Variants in LRBA observed in about 807,000 individuals in gnomAD.
LRBA encodes the protein lipopolysaccharide-responsive and beige-like anchor protein.
In LRBA, 176 loss-of-function variants were observed where a neutral mutation model predicts 330.0. The ratio of observed to expected loss-of-function variants is 0.53; its 90% CI spans 0.47 to 0.60. LRBA has a LOEUF of 0.60. Ranked by LOEUF, LRBA falls within the 20% of genes least tolerant of loss-of-function variation. The probability of loss-of-function intolerance (pLI) is 0.00; values close to 1 mark genes in which losing one functional copy is unlikely to be tolerated. For missense variants in LRBA, 3,259 were observed against 3,444.8 expected (o/e 0.95, Z 1.35); for synonymous variants, 1,230 against 1,193.0 (o/e 1.03, Z -0.64).
Position 150,831,934 on chromosome 4 carries a change from A to G in LRBA, c.4612T>C (p.Tyr1538His). The G allele has an allele frequency of 6.3e-7, 1 of 1,575,250 alleles. No homozygotes were observed. Among genetic ancestry groups the G allele is most frequent in the South Asian group, 1.2e-5 (1 of 82,910 alleles). The change falls in exon 29 of 57, where the codon TAC (tyrosine) becomes CAC (histidine). Residue 1538 changes from tyrosine (Y) to histidine (H), a missense_variant. Coordinates refer to ENST00000651943, the MANE Select transcript of LRBA (RefSeq NM_001364905.1). ...QAQFLALAVV[Y>H]FISVLMVSKY... ...GAGACCATAAGAACAGAGATAAAGT[A>G]TACTACTGCCAAGGCTAAAAATTGA... is the stretch of plus-strand genomic sequence containing the variant.
chr4:150,982,013 T>C (rs941715822), intron 2 of LRBA, among the ~76,000 whole-genome samples: 2 of 152,034 alleles, frequency 1.3e-5, no homozygotes, highest in African/African-American at 4.8e-5. Flanking sequence ...AAATAATGTT[T>C]TCTGTTTCTT....
At chr4:150,436,892 AAT>A (rs1751183422) in intron 44 of LRBA, 28 bp from the exon 45 acceptor site, 1 of 1,604,904 alleles carries the variant, frequency 6.2e-7, no homozygotes, top group Non-Finnish European at 8.5e-7. Context: ...AAAAACAAAG[AAT>A]ACATCAATGT....
chr4:150,269,562 G>A (rs1156985974), intron 56 of LRBA, among the ~76,000 whole-genome samples: 1 of 152,178 alleles, frequency 6.6e-6, no homozygotes, highest in African/African-American at 2.4e-5. Flanking sequence ...CATGACCTTG[G>A]ATTTTGCAGT....
At chr4:150,389,552 T>C (rs1743585359) in intron 47 of LRBA, among the ~76,000 whole-genome samples, 1 of 150,228 alleles carries the variant, frequency 6.7e-6, no homozygotes, top group Non-Finnish European at 1.5e-5. Flanking sequence ...CTACTAAAAA[T>C]ACAAAAATTA....
At chr4:150,753,381 C>T (rs995466785) in intron 35 of LRBA, among the ~76,000 whole-genome samples, 2 of 152,154 alleles carry the variant, frequency 1.3e-5, no homozygotes, top group Non-Finnish European at 2.9e-5. Flanking sequence ...GTGAATGACG[C>T]TATTTTCATT....
chr4:151,004,847 A>C (rs935589929), intron 2 of LRBA, among the ~76,000 whole-genome samples: 1 of 152,066 alleles, frequency 6.6e-6, no homozygotes, highest in African/African-American at 2.4e-5. Flanking sequence ...TTAGCCAGGC[A>C]TGGCGGCATG....
intron 46 of LRBA, among the ~76,000 whole-genome samples, chr4:150,426,905 C>T (rs1157076600): frequency 6.6e-6 from 1 of 151,744 alleles, no homozygotes; most frequent in Non-Finnish European, 1.5e-5. Flanking sequence ...TTCTTGCTTT[C>T]AACACATTTT....
At chr4:150,769,926 T>C (rs1736318316) in intron 34 of LRBA, among the ~76,000 whole-genome samples, 1 of 152,156 alleles carries the variant, frequency 6.6e-6, no homozygotes, top group African/African-American at 2.4e-5. Context: ...CCTGTGACAG[T>C]CAATTTTATG....
intron 34 of LRBA, among the ~76,000 whole-genome samples, chr4:150,782,744 G>C (rs750175912): frequency 1.3e-5 from 2 of 152,064 alleles, no homozygotes; most frequent in Non-Finnish European, 2.9e-5. Context: ...AGGTTCCAGG[G>C]ATTTGTCATG....
chr4:150,619,148 C>T (rs1018509476), intron 37 of LRBA, among the ~76,000 whole-genome samples: 2 of 151,830 alleles, frequency 1.3e-5, no homozygotes, highest in Non-Finnish European at 2.9e-5. Context: ...GTTTAAATAC[C>T]TTATGGTTTC....
Position 150,358,250 on chromosome 4 carries a change from TGTTA to T in LRBA, c.7195-8095_7195-8092del, listed in dbSNP as rs556221132. ...TACCTGGAATTAAGCTATTTTATTTTGTTAGTTAAATGCAGAGCTAATATGCTTT... is the reference window on the plus strand; with the variant it reads ...TACCTGGAATTAAGCTATTTTATTTTGTTAAATGCAGAGCTAATATGCTTT... On this transcript the variant is annotated intron_variant, in intron 47 of 56. Transcript: ENST00000651943. 2.6e-5 allele frequency among the ~76,000 whole-genome samples: 4 copies of T among 152,314 alleles called. No individual in the cohort carries two copies. The South Asian group carries it at 8.3e-4, about 32-fold the overall frequency.
intron 2 of LRBA, among the ~76,000 whole-genome samples, chr4:150,980,563 T>C (rs1740716853): frequency 6.6e-6 from 1 of 152,004 alleles, no homozygotes; most frequent in Non-Finnish European, 1.5e-5. Flanking sequence ...GGCAGGAGAA[T>C]CGCTTGAACC....
At chr4:150,812,297 T>TA (rs1329497905) in intron 31 of LRBA, among the ~76,000 whole-genome samples, 1 of 152,208 alleles carries the variant, frequency 6.6e-6, no homozygotes, top group Admixed American at 6.5e-5. Flanking sequence ...TTCCTTATCC[T>TA]AGCACTGATA....
At position 150,379,303 on chromosome 4, in the gene LRBA, C is replaced by CAAAAAA. The variant is rs10634420; in HGVS notation, c.7195-29150_7195-29145dup. On this transcript the variant is annotated intron_variant, in intron 47 of 56. Coordinates refer to ENST00000651943, the MANE Select transcript of LRBA (RefSeq NM_001364905.1). ...GGGCAACAAGAGGGAAACTCTAGCT[C>CAAAAAA]AAAAAAAAAAAAAAAAAAAAAAAGC... is the stretch of plus-strand genomic sequence containing the variant. Among the ~76,000 whole-genome samples, 15 of 59,862 alleles carry CAAAAAA rather than the reference C, an allele frequency of 2.5e-4. 1 individual carries two copies. The highest frequency in any genetic ancestry group is 2.9e-4 in the African/African-American group (4 of 13,898). 39.3% of individuals were successfully genotyped at this position (59,862 alleles called of 152,430 possible).
intron 36 of LRBA, among the ~76,000 whole-genome samples, chr4:150,730,403 C>T (rs1002550601): frequency 6.6e-6 from 1 of 152,204 alleles, no homozygotes; most frequent in East Asian, 1.9e-4. Flanking sequence ...GGTGTTCAGG[C>T]CGGGTGCAGT....
intron 34 of LRBA, among the ~76,000 whole-genome samples, chr4:150,787,149 C>G (rs1039665480): frequency 5.9e-5 from 9 of 151,358 alleles, no homozygotes; most frequent in Admixed American, 1.3e-4. Context: ...GGAAGATCAC[C>G]GCGGAGGTTG....
intron 47 of LRBA, among the ~76,000 whole-genome samples, chr4:150,395,951 A>G (rs1189257132): frequency 6.6e-6 from 1 of 152,186 alleles, no homozygotes; most frequent in Non-Finnish European, 1.5e-5. Context: ...AATTTCCCTC[A>G]GCATCTTTCC....
At chr4:150,885,690 A>T (rs1728876611) in intron 17 of LRBA, among the ~76,000 whole-genome samples, 1 of 152,178 alleles carries the variant, frequency 6.6e-6, no homozygotes, top group South Asian at 2.1e-4. Context: ...AATGAAAAAA[A>T]CCTTAAAAGC....
chr4:150,419,213 T>C (rs1040361232), intron 46 of LRBA, among the ~76,000 whole-genome samples: 3 of 152,170 alleles, frequency 2.0e-5, no homozygotes, highest in Non-Finnish European at 4.4e-5. Context: ...ACAATCTGCC[T>C]ACTGTACATA....
Sources: allele counts gnomAD v4.1 joint callset (sites outside exome capture counted in the v4.1 genomes callset), GRCh38; gene constraint gnomAD v4.1.1; transcripts MANE v1.5; gene names NCBI Gene and HGNC (gene_info 2026-07-23, HGNC 2026-07-21).